The following PHACTR2 variants were observed in gnomAD, a reference collection of about 807,000 sequenced individuals.
PHACTR2 encodes the protein chromosome 6 open reading frame 56.
Under a neutral mutation model 76.0 loss-of-function variants are expected in PHACTR2, and 30 were observed. That is an observed-to-expected ratio of 0.39 (90% CI 0.30 to 0.54). The LOEUF (loss-of-function observed/expected upper bound fraction) is 0.54. Among genes scored for constraint, PHACTR2 ranks in the 20% least tolerant of loss-of-function variants. The pLI is 0.61. For synonymous variants in PHACTR2, 292 were observed against 292.5 expected (o/e 1.00, Z 0.02); for missense variants, 696 against 781.1 (o/e 0.89, Z 1.30).
Position 143,730,356 on chromosome 6 carries a change from G to A in PHACTR2, c.214+18173G>A, listed in dbSNP as rs994447892. Among the ~76,000 whole-genome samples the A allele has an allele frequency of 1.3e-5, 2 of 151,728 alleles. No homozygotes were observed. The highest frequency in any genetic ancestry group is 4.8e-5 in the African/African-American group (2 of 41,304). On this transcript the variant is annotated intron_variant, in intron 2 of 12. Coordinates refer to ENST00000440869, the MANE Select transcript of PHACTR2 (RefSeq NM_001100164.2). This position sits in a 1 kb window ranked among gnomAD's most constrained non-coding sequence, Gnocchi z 4.8. ...GATTAGCTTTTCCATTTTTTTATTA[G>A]CTTTTGAAGTTTTTAGAAAACAGTT...
intron 11 of PHACTR2, among the ~76,000 whole-genome samples, chr6:143,802,357 G>A (rs1775977207): frequency 6.6e-6 from 1 of 152,088 alleles, no homozygotes; most frequent in Non-Finnish European, 1.5e-5. Context: ...ATCAGTCCCA[G>A]ACTGGGTGTG....
upstream of PHACTR2, among the ~76,000 whole-genome samples, chr6:143,604,096 C>CAAA (rs5880568): frequency 4.5e-5 from 5 of 110,350 alleles, no homozygotes; most frequent in African/African-American, 1.7e-4. Flanking sequence ...GACTCTGATT[C>CAAA]AAAAAAAAAA....
At position 143,783,747 on chromosome 6, in the gene PHACTR2, A is replaced by C. The variant is rs1467419741; in HGVS notation, c.1707+467A>C. On this transcript the variant is annotated intron_variant, in intron 10 of 12. Transcript: ENST00000440869. This position sits in a 1 kb window ranked among gnomAD's most constrained non-coding sequence, Gnocchi z 5.2. The stretch of plus-strand genomic sequence containing the variant: ...TTTTAAGTTGCATTTACTCCATGAA[A>C]GTATGTACTCTGTGTGAAAATTTTT... Among the ~76,000 whole-genome samples the C allele has an allele frequency of 6.6e-6, 1 of 152,240 alleles. No homozygotes were observed. The highest frequency in any genetic ancestry group is 2.4e-5 in the African/African-American group (1 of 41,462).
At chr6:143,815,117 C>G (rs1436773456) in intron 12 of PHACTR2, among the ~76,000 whole-genome samples, 3 of 152,176 alleles carry the variant, frequency 2.0e-5, no homozygotes, top group Non-Finnish European at 4.4e-5. Flanking sequence ...GTGGCACTGC[C>G]TTTCATGGAT....
rs143774524 is a variant in PHACTR2, at chr6:143,679,317, T to C, written c.46+1108T>C. Among the ~76,000 whole-genome samples the C allele has an allele frequency of 5.8e-3, 877 of 152,324 alleles. 9 individuals carry two copies. The highest frequency in any genetic ancestry group is 0.018 in the African/African-American group (769 of 41,578). On this transcript the variant is annotated intron_variant, in intron 1 of 12. Coordinates refer to ENST00000440869, the MANE Select transcript of PHACTR2 (RefSeq NM_001100164.2). The surrounding 1 kb of genome is among the most constrained non-coding windows in gnomAD (Gnocchi z 4.6). ...CTGTTAATACCACAGAAGACCCTTC[T>C]GCAAAGAAGAGACATCAGAATCAGA...
At chr6:143,720,493 AGCAATAGCAT>A (rs1407730669) in intron 2 of PHACTR2, among the ~76,000 whole-genome samples, 1 of 152,226 alleles carries the variant, frequency 6.6e-6, no homozygotes, top group African/African-American at 2.4e-5. Flanking sequence ...TCACAGAGTT[AGCAATAGCAT>A]GCACTTTCAG....
At position 143,771,192 on chromosome 6, in the gene PHACTR2, GTGTATATATATATATATA is replaced by G. The variant is rs1562300829; in HGVS notation, c.1233-1064_1233-1047del. On this transcript the variant is annotated intron_variant, in intron 6 of 12. Transcript: ENST00000440869. ...TATATATGTATATATATATATATGT[GTGTATATATATATATATA>G]TATATATATATATATATATATATAT... Among the ~76,000 whole-genome samples, 33 of 16,620 alleles carry G rather than the reference GTGTATATATATATATATA, an allele frequency of 2.0e-3. 2 individuals carry two copies. The highest frequency in any genetic ancestry group is 8.8e-3 in the African/African-American group (26 of 2,964). 10.9% of individuals were successfully genotyped at this position (16,620 alleles called of 152,430 possible).
In PHACTR2 at chr6:143,821,573, T is replaced by C. The variant is rs1318674950; in HGVS notation, c.1923-2101T>C. ...TATATAATGTAAGCAATAACTGGCA[T>C]AAGCCAAAGGTTATGGGAACACAGG... On this transcript the variant is annotated intron_variant, in intron 12 of 12. Coordinates refer to ENST00000440869, the MANE Select transcript of PHACTR2 (RefSeq NM_001100164.2). This position sits in a 1 kb window ranked among gnomAD's most constrained non-coding sequence, Gnocchi z 5.2. 1.3e-5 allele frequency among the ~76,000 whole-genome samples: 2 copies of C among 152,222 alleles called. No individual in the cohort carries two copies. Among genetic ancestry groups the C allele is most frequent in the Admixed American group, 6.5e-5 (1 of 15,276 alleles).
At chr6:143,564,669 GGCTCA>G (rs1156830017) in intron 1 of PHACTR2, among the ~76,000 whole-genome samples, 2 of 152,114 alleles carry the variant, frequency 1.3e-5, no homozygotes, top group African/African-American at 4.8e-5. Context: ...ATCATGTAAG[GGCTCA>G]GCACCCTGAG....
intron 2 of PHACTR2, among the ~76,000 whole-genome samples, chr6:143,736,020 TTTTAA>T (rs1298897748): frequency 1.3e-5 from 2 of 152,240 alleles, no homozygotes; most frequent in Non-Finnish European, 2.9e-5. Flanking sequence ...TCAGGCACTC[TTTTAA>T]TTAATTATTA....
At chr6:143,769,591 C>T (rs992635444) in intron 6 of PHACTR2, among the ~76,000 whole-genome samples, 6 of 151,960 alleles carry the variant, frequency 3.9e-5, no homozygotes, top group African/African-American at 1.5e-4. Context: ...AGTTATCTGC[C>T]CTCCTTATAC....
rs781770260 is a variant in PHACTR2, at chr6:143,608,270, G to A, written c.-40G>A. ...TTAGTCAGAAGAGCCAGGGCTTCCC[G>A]GCTGCCAGGCTACAGAACTCGCCTC... On this transcript the variant is annotated 5_prime_UTR_variant, in exon 1 of 12. Transcript: ENST00000305766. The surrounding 1 kb of genome is among the most constrained non-coding windows in gnomAD (Gnocchi z 4.6). The A allele has an allele frequency of 9.9e-6, 16 of 1,613,224 alleles. No homozygotes were observed. Among genetic ancestry groups the A allele is most frequent in the East Asian group, 8.9e-5 (4 of 44,888 alleles).
In PHACTR2 at chr6:143,760,732, T is replaced by C. The variant is rs1582850745; in HGVS notation, c.694+92T>C. On this transcript the variant is annotated intron_variant, in intron 5 of 12. Coordinates refer to ENST00000440869, the MANE Select transcript of PHACTR2 (RefSeq NM_001100164.2). This position sits in a 1 kb window ranked among gnomAD's most constrained non-coding sequence, Gnocchi z 6.4. ...GTTTCTTCTAGGTGTGATGGGCTTTTGGTGTCTTAGGACATTACACCAGCA... is the reference window on the plus strand; with the variant it reads ...GTTTCTTCTAGGTGTGATGGGCTTTCGGTGTCTTAGGACATTACACCAGCA... 1.9e-5 allele frequency: 27 copies of C among 1,440,892 alleles called. No homozygotes were observed. In the East Asian group the frequency reaches 6.3e-4, roughly 33 times the overall value. 89.3% of individuals were successfully genotyped at this position (1,440,892 alleles called of 1,614,324 possible).
At position 143,831,085 on chromosome 6, in the gene PHACTR2, G is replaced by A. The variant is rs1331377388; in HGVS notation, c.*7396G>A. ...TAACTTGCTATCTTTTTATGTCTGA[G>A]GTATTTGATATTGATGTTTTTATTG... On this transcript the variant is annotated 3_prime_UTR_variant, in exon 13 of 13. Coordinates refer to ENST00000440869, the MANE Select transcript of PHACTR2 (RefSeq NM_001100164.2). The surrounding 1 kb of genome is among the most constrained non-coding windows in gnomAD (Gnocchi z 5.2). The A allele has an allele frequency of 6.6e-6, 1 of 151,878 alleles. No individual in the cohort carries two copies. The highest frequency in any genetic ancestry group is 1.9e-4 in the East Asian group (1 of 5,190). The allele number at this position is 151,878 out of a possible 1,614,324, so 9.4% of individuals were successfully genotyped here.
In PHACTR2 at chr6:143,621,615, G is replaced by C. The variant is rs1776155931; in HGVS notation, c.13+13293G>C. 6.6e-6 allele frequency among the ~76,000 whole-genome samples: 1 copy of C among 152,236 alleles called. No individual in the cohort carries two copies. The highest frequency in any genetic ancestry group is 2.4e-5 in the African/African-American group (1 of 41,460). On this transcript the variant is annotated intron_variant, in intron 1 of 11. Transcript: ENST00000305766. The surrounding 1 kb of genome is among the most constrained non-coding windows in gnomAD (Gnocchi z 4.1). Reference sequence around the variant, plus strand: ...GGGATTGTGCAAAGGAATGGAATTAGAGTTGTAAAAGAAGAATGCAGTTCC... The same window carrying C: ...GGGATTGTGCAAAGGAATGGAATTACAGTTGTAAAAGAAGAATGCAGTTCC...
At position 143,789,190 on chromosome 6, in the gene PHACTR2, C is replaced by A; in HGVS notation, c.1845+280C>A. The A allele has an allele frequency of 3.8e-6, 1 of 261,406 alleles. No individual in the cohort carries two copies. The highest frequency in any genetic ancestry group is 6.6e-5 in the East Asian group (1 of 15,074). 16.2% of individuals were successfully genotyped at this position (261,406 alleles called of 1,614,324 possible). A position where few individuals can be genotyped will look rare whatever the true frequency, so the allele number is the denominator to read the frequency against. On this transcript the variant is annotated intron_variant, in intron 11 of 12. Transcript: ENST00000440869. The surrounding 1 kb of genome is among the most constrained non-coding windows in gnomAD (Gnocchi z 5.1). ...CTCACATCCAGGATTTATCCTTACT[C>A]TTAGAAAATATAACTTATACAACTT...
In PHACTR2 at chr6:143,793,892, C is replaced by A. The variant is rs1775770755; in HGVS notation, c.1845+4982C>A. ...TGCCACGGCACTCCAGCCTGGGCAA[C>A]AGAGCTAGACCTTATCTCAAAATAA... On this transcript the variant is annotated intron_variant, in intron 11 of 12. Coordinates refer to ENST00000440869, the MANE Select transcript of PHACTR2 (RefSeq NM_001100164.2). The surrounding 1 kb of genome is among the most constrained non-coding windows in gnomAD (Gnocchi z 4.4). 6.6e-6 allele frequency among the ~76,000 whole-genome samples: 1 copy of A among 151,932 alleles called. No individual in the cohort carries two copies. Among genetic ancestry groups the A allele is most frequent in the Non-Finnish European group, 1.5e-5 (1 of 67,992 alleles).
At chr6:143,694,845 A>G (rs1053259780) in intron 1 of PHACTR2, among the ~76,000 whole-genome samples, 1 of 152,214 alleles carries the variant, frequency 6.6e-6, no homozygotes, top group Non-Finnish European at 1.5e-5. Context: ...GCAGGCTTCC[A>G]ATGATGTCTT....
chr6:143,741,370 G>A (rs1292902788), intron 2 of PHACTR2, among the ~76,000 whole-genome samples: 1 of 152,062 alleles, frequency 6.6e-6, no homozygotes, highest in East Asian at 1.9e-4. Flanking sequence ...GCGCATGCCT[G>A]TAATCCCAGC....
Sources: gnomAD v4.1 joint callset for allele counts (sites outside exome capture counted in the v4.1 genomes callset) on GRCh38, gnomAD v4.1.1 for gene constraint, Gnocchi (gnomAD v3.1) non-coding constraint, MANE v1.5 for transcripts, NCBI Gene and HGNC (gene_info 2026-07-23, HGNC 2026-07-21) for gene names.